PCDH9: variants seen among roughly 807,000 people sequenced by gnomAD.
PCDH9 encodes protocadherin 9.
PCDH9 carries 24 observed loss-of-function variants against 70.6 expected under a neutral mutation model. The ratio of observed to expected loss-of-function variants is 0.34; its 90% CI spans 0.25 to 0.48. The LOEUF (loss-of-function observed/expected upper bound fraction) is 0.48. Ranked by LOEUF, PCDH9 falls within the 20% of genes least tolerant of loss-of-function variation. PCDH9 has a pLI of 0.99. For missense variants in PCDH9, 1,281 were observed against 1,503.6 expected (o/e 0.85, Z 2.45); for synonymous variants, 562 against 558.5 (o/e 1.01, Z -0.09).
intron 4 of PCDH9, among the ~76,000 whole-genome samples, chr13:66,577,676 T>C (rs2076834103): frequency 6.6e-6 from 1 of 151,996 alleles, no homozygotes; most frequent in Admixed American, 6.6e-5. Context: ...CAGCCTGGCT[T>C]ACTGATAGGA....
At chr13:66,392,008 A>G (rs896161529) in intron 4 of PCDH9, among the ~76,000 whole-genome samples, 4 of 151,530 alleles carry the variant, frequency 2.6e-5, no homozygotes. Flanking sequence ...ACAATATATT[A>G]ATATACACAC....
chr13:66,790,466 T>A (rs2080146657), intron 3 of PCDH9, among the ~76,000 whole-genome samples: 1 of 152,156 alleles, frequency 6.6e-6, no homozygotes. Context: ...CTGCATAATT[T>A]ATAATTGTGC....
chr13:66,466,880 T>C lies in PCDH9; in HGVS notation c.3341-161852A>G, dbSNP rs545850359. 3.9e-5 allele frequency among the ~76,000 whole-genome samples: 6 copies of C among 152,138 alleles called. No homozygotes were observed. In the South Asian group the frequency reaches 1.0e-3, roughly 26 times the overall value. ...ATGTTATGAACTAAGAAGTACACCA[T>C]ATGGATAAGAGTGCTTGCAGTTTTC... On this transcript the variant is annotated intron_variant, in intron 4 of 4. Coordinates refer to ENST00000377865, the MANE Select transcript of PCDH9 (RefSeq NM_203487.3).
At chr13:67,010,220 T>A (rs1187710114) in intron 2 of PCDH9, among the ~76,000 whole-genome samples, 3 of 151,954 alleles carry the variant, frequency 2.0e-5, no homozygotes, top group Non-Finnish European at 4.4e-5. Context: ...AAGATAAAAC[T>A]GAACCTAGAA....
At chr13:66,968,780 T>G (rs2083470615) in intron 2 of PCDH9, among the ~76,000 whole-genome samples, 1 of 152,016 alleles carries the variant, frequency 6.6e-6, no homozygotes, top group Non-Finnish European at 1.5e-5. Flanking sequence ...TTACCAAATT[T>G]GATTATTTAT....
chr13:67,155,176 G>A (rs1289866458), intron 2 of PCDH9, among the ~76,000 whole-genome samples: 1 of 152,018 alleles, frequency 6.6e-6, no homozygotes, highest in Non-Finnish European at 1.5e-5. Flanking sequence ...TTATTTTTCA[G>A]AAGCAAACTA....
At chr13:67,018,717 CAA>C (rs1300516520) in intron 2 of PCDH9, among the ~76,000 whole-genome samples, 1 of 150,670 alleles carries the variant, frequency 6.6e-6, no homozygotes, top group African/African-American at 2.4e-5. Context: ...AAGAAACAAA[CAA>C]AAAACTATGG....
At chr13:66,847,975 G>C (rs183713869) in intron 3 of PCDH9, among the ~76,000 whole-genome samples, 1 of 152,250 alleles carries the variant, frequency 6.6e-6, no homozygotes, top group East Asian at 1.9e-4. Context: ...TATAAGAGGA[G>C]CCATTATGAT....
chr13:66,348,760 T>G (rs1956250465), intron 4 of PCDH9, among the ~76,000 whole-genome samples: 1 of 151,628 alleles, frequency 6.6e-6, no homozygotes, highest in Non-Finnish European at 1.5e-5. Context: ...TCATCACCCT[T>G]AAAATCTTTG....
At chr13:67,128,057 G>A (rs2087022454) in intron 2 of PCDH9, among the ~76,000 whole-genome samples, 1 of 152,110 alleles carries the variant, frequency 6.6e-6, no homozygotes. Flanking sequence ...CAGGTAATGT[G>A]ATACATTAGT....
At position 66,304,695 on chromosome 13, in the gene PCDH9, G is replaced by A; in HGVS notation, c.3674C>T (p.Ala1225Val). Reference protein sequence around the residue: ...PLANLKSYKQAGGATESPKEH... With the variant: ...PLANLKSYKQVGGATESPKEH... ...CTTAGGACTCTCAGTAGCACCTCCT[G>A]CTTGCTTATAAGACTTCAGATTTGC... is the stretch of plus-strand genomic sequence containing the variant. Residue 1225 changes from alanine (A) to valine (V), a missense_variant, in exon 5 of 5, where the codon GCA (alanine) becomes GTA (valine). Transcript: ENST00000377865. The A allele has an allele frequency of 6.2e-7, 1 of 1,613,202 alleles. No individual in the cohort carries two copies. The highest frequency in any genetic ancestry group is 8.5e-7 in the Non-Finnish European group (1 of 1,179,466).
chr13:66,304,284 AAAG>A lies in PCDH9; in HGVS notation c.*368_*370del. 6.1e-6 allele frequency: 1 copy of A among 163,996 alleles called. No homozygotes were observed. The highest frequency in any genetic ancestry group is 6.1e-5 in the Admixed American group (1 of 16,342). 10.2% of individuals were successfully genotyped at this position (163,996 alleles called of 1,614,324 possible). A position where few individuals can be genotyped will look rare whatever the true frequency, so the allele number is the denominator to read the frequency against. The stretch of plus-strand genomic sequence containing the variant: ...ACAAAAAAAAAAAAAAAAAAAAAAA[AAAG>A]CACAATTTTCTAACTGGATATGTTT... On this transcript the variant is annotated 3_prime_UTR_variant, in exon 5 of 5. Transcript: ENST00000377865.
chr13:66,841,022 A>C (rs1446639264), intron 3 of PCDH9, among the ~76,000 whole-genome samples: 2 of 152,188 alleles, frequency 1.3e-5, no homozygotes, highest in African/African-American at 4.8e-5. Flanking sequence ...CTGAATTCTC[A>C]TGTAATTGTT....
chr13:66,342,936 G>A (rs953369997), intron 4 of PCDH9, among the ~76,000 whole-genome samples: 13 of 151,864 alleles, frequency 8.6e-5, no homozygotes, highest in Non-Finnish European at 8.8e-5. Context: ...GTAAGCCACC[G>A]TGCTCAGCCC....
intron 4 of PCDH9, among the ~76,000 whole-genome samples, chr13:66,426,164 A>C (rs962005658): frequency 6.6e-6 from 1 of 151,498 alleles, no homozygotes; most frequent in Admixed American, 6.6e-5. Context: ...ACCTTAATCT[A>C]TTCAGTGGGT....
intron 4 of PCDH9, among the ~76,000 whole-genome samples, chr13:66,463,360 A>G (rs1958459112): frequency 6.6e-6 from 1 of 151,834 alleles, no homozygotes; most frequent in South Asian, 2.1e-4. Context: ...ATGACTTAGA[A>G]CACATTGTAT....
At chr13:66,981,457 A>G (rs959640688) in intron 2 of PCDH9, among the ~76,000 whole-genome samples, 4 of 151,638 alleles carry the variant, frequency 2.6e-5, no homozygotes, top group Non-Finnish European at 2.9e-5. Context: ...AAAAAAGAAA[A>G]AAAAAGTAAA....
At chr13:66,937,824 T>C (rs1226046456) in intron 2 of PCDH9, among the ~76,000 whole-genome samples, 1 of 152,066 alleles carries the variant, frequency 6.6e-6, no homozygotes, top group African/African-American at 2.4e-5. Flanking sequence ...CTTTACCTTT[T>C]TTTTTTTTGT....
At chr13:66,471,178 T>C (rs944754523) in intron 4 of PCDH9, among the ~76,000 whole-genome samples, 3 of 152,014 alleles carry the variant, frequency 2.0e-5, no homozygotes, top group African/African-American at 7.3e-5. Context: ...TTTTTAGCTA[T>C]GGTTTTAAAA....
Sources: gnomAD v4.1 joint callset for allele counts (sites outside exome capture counted in the v4.1 genomes callset) on GRCh38, gnomAD v4.1.1 for gene constraint, MANE v1.5 for transcripts, NCBI Gene and HGNC (gene_info 2026-07-23, HGNC 2026-07-21) for gene names.